USP18: variants seen among roughly 807,000 people sequenced by gnomAD.
USP18 encodes the protein ubl carboxyl-terminal hydrolase 18.
Under a neutral mutation model 48.7 loss-of-function variants are expected in USP18, and 11 were observed. The observed-to-expected ratio is 0.23, with a 90% CI of 0.14 to 0.37. The LOEUF (loss-of-function observed/expected upper bound fraction) is 0.37. Among genes scored for constraint, USP18 ranks in the 10% least tolerant of loss-of-function variants. The pLI is 1.00. For missense variants in USP18, 285 were observed against 436.4 expected, an observed-to-expected ratio of 0.65 and a Z score of 3.09; for synonymous variants, 114 against 163.2, an observed-to-expected ratio of 0.70 and a Z score of 2.30.
At chr22:18,174,349 T>G (rs1474701221) in intron 10 of USP18, among the ~76,000 whole-genome samples, 1 of 151,510 alleles carries the variant, frequency 6.6e-6, no homozygotes, top group African/African-American at 2.4e-5. Context: ...TGCCTCAGCC[T>G]CCTGAGTAGC....
chr22:18,171,333 A>G, intron 8 of USP18, among the ~76,000 whole-genome samples: 1 of 87,652 alleles, frequency 1.1e-5, no homozygotes, highest in Non-Finnish European at 2.2e-5. Flanking sequence ...AGATTCTGAG[A>G]AAAAAAGAGA....
Position 18,173,563 on chromosome 22 carries a change from T to C in USP18, c.1024-230T>C, listed in dbSNP as rs186607081. ...GAAATGTCTAGAGAGCAACGAGTGT[T>C]AGAAATATGTAAGTTAGGCCTCTGG... On this transcript the variant is annotated intron_variant, in intron 9 of 10. Coordinates refer to ENST00000215794, the MANE Select transcript of USP18 (RefSeq NM_017414.4). 4.7e-3 allele frequency among the ~76,000 whole-genome samples: 710 copies of C among 152,276 alleles called. 5 individuals carry two copies. The highest frequency in any genetic ancestry group is 6.0e-3 in the Non-Finnish European group (411 of 68,024).
chr22:18,157,543 A>G lies in USP18; in HGVS notation c.-106-15A>G, dbSNP rs1602521183. The stretch of plus-strand genomic sequence containing the variant: ...CCTTCTCTAATTCTTGCCTACCCGC[A>G]TTGTATTTTCACAGAGATTCCATCG... On this transcript the variant is annotated splice_polypyrimidine_tract_variant and intron_variant, in intron 1 of 10. Transcript: ENST00000215794. 3 of 1,321,364 alleles carry G rather than the reference A, an allele frequency of 2.3e-6. No homozygotes were observed. The highest frequency in any genetic ancestry group is 4.1e-5 in the Admixed American group (2 of 48,628). The allele number at this position is 1,321,364 out of a possible 1,614,324, so 81.9% of individuals were successfully genotyped here. A position where few individuals can be genotyped will look rare whatever the true frequency, so the allele number is the denominator to read the frequency against.
At chr22:18,153,337 G>A (rs1018761519) in intron 1 of USP18, among the ~76,000 whole-genome samples, 4 of 151,222 alleles carry the variant, frequency 2.6e-5, no homozygotes, top group Non-Finnish European at 5.9e-5. Context: ...ACTAAGGCAG[G>A]GGAAGTGCTT....
intron 8 of USP18, 26 bp from the exon 9 acceptor site, chr22:18,173,124 A>C (rs759061728): frequency 2.5e-6 from 4 of 1,597,622 alleles, no homozygotes; most frequent in Non-Finnish European, 2.6e-6. Flanking sequence ...TGGTGGGTGA[A>C]CTGTCTCGTG....
At chr22:18,160,426 C>G (rs1429128991) in intron 3 of USP18, among the ~76,000 whole-genome samples, 158 bp downstream of exon 3, 2 of 152,112 alleles carry the variant, frequency 1.3e-5, no homozygotes, top group Admixed American at 1.3e-4. Context: ...CTGCTTCAGT[C>G]TCCCGAGTAG....
intron 10 of USP18, among the ~76,000 whole-genome samples, chr22:18,176,106 C>A (rs1331481123): frequency 9.0e-6 from 1 of 111,194 alleles, no homozygotes; most frequent in Non-Finnish European, 1.8e-5. Context: ...CACGGTGAAA[C>A]CCTGTCTCTA....
rs34386839 is a variant in USP18 at position 18,159,672 on chromosome 22, A to ATTTTTT, written c.158-484_158-479dup. ...GTCATGACACCTGGCTGATTTTTGG[A>ATTTTTT]TTTTTTTTTTTTTTTTTTTTTGAGA... On this transcript the variant is annotated intron_variant, in intron 2 of 10. Transcript: ENST00000215794. Among the ~76,000 whole-genome samples, 4 of 76,912 alleles carry ATTTTTT rather than the reference A, an allele frequency of 5.2e-5. 1 individual carries two copies. Among genetic ancestry groups the ATTTTTT allele is most frequent in the African/African-American group, 1.7e-4 (3 of 18,028 alleles). The allele number at this position is 76,912 out of a possible 152,430, so 50.5% of individuals were successfully genotyped here.
In USP18 at chr22:18,157,662, G is replaced by A. The variant is rs1355191988; in HGVS notation, c.-2G>A. On this transcript the variant is annotated 5_prime_UTR_variant, in exon 2 of 11. Coordinates refer to ENST00000215794, the MANE Select transcript of USP18 (RefSeq NM_017414.4). The stretch of plus-strand genomic sequence containing the variant: ...GGCCTGGGGGTTTTGGAGTGATCAC[G>A]AATGAGCAAGGCGTTTGGGCTCCTG... 3.1e-6 allele frequency: 5 copies of A among 1,613,940 alleles called. No homozygotes were observed. Among genetic ancestry groups the A allele is most frequent in the Non-Finnish European group, 4.2e-6 (5 of 1,179,982 alleles).
At chr22:18,158,244 C>T (rs1361249824) in intron 2 of USP18, among the ~76,000 whole-genome samples, 1 of 152,064 alleles carries the variant, frequency 6.6e-6, no homozygotes, top group Non-Finnish European at 1.5e-5. Flanking sequence ...GCTGAGATCA[C>T]GCCACTGCAC....
At position 18,152,073 on chromosome 22, in the gene USP18, A is replaced by C. The variant is rs564799594; in HGVS notation, c.-107+1851A>C. ...CGTCTCAAAAATAAAAATAAAAATA[A>C]AAAAAGAAAAAAGAAATGCAAAATA... is the stretch of plus-strand genomic sequence containing the variant. On this transcript the variant is annotated intron_variant, in intron 1 of 10. Transcript: ENST00000215794. Among the ~76,000 whole-genome samples the C allele has an allele frequency of 6.6e-5, 10 of 152,320 alleles. No homozygotes were observed. In the South Asian group the frequency reaches 1.0e-3, roughly 16 times the overall value.
intron 1 of USP18, among the ~76,000 whole-genome samples, chr22:18,156,545 A>G (rs1044438994): frequency 6.6e-6 from 1 of 152,074 alleles, no homozygotes; most frequent in Non-Finnish European, 1.5e-5. Flanking sequence ...ACAACTCCAG[A>G]CGCGCTGCCT....
intron 6 of USP18, among the ~76,000 whole-genome samples, 193 bp from the exon 7 acceptor site, chr22:18,169,651 C>T (rs1475350525): frequency 6.6e-6 from 1 of 152,186 alleles, no homozygotes; most frequent in African/African-American, 2.4e-5. Flanking sequence ...TTGGGAGCTT[C>T]CTGCGGCCTC....
chr22:18,156,654 G>C (rs770646277), intron 1 of USP18, among the ~76,000 whole-genome samples: 2 of 151,048 alleles, frequency 1.3e-5, no homozygotes, highest in Non-Finnish European at 2.9e-5. Context: ...CAGATGCGCC[G>C]TATTAGGAGC....
At chr22:18,173,099 C>T (rs1210477536) in intron 8 of USP18, 51 bp from the exon 9 acceptor site, 1 of 1,604,298 alleles carries the variant, frequency 6.2e-7, no homozygotes, top group Admixed American at 1.7e-5. Flanking sequence ...ATGTGTGAGG[C>T]AGTCGTGTTT....
chr22:18,160,621 T>C (rs1929304492), intron 3 of USP18, among the ~76,000 whole-genome samples: 1 of 152,184 alleles, frequency 6.6e-6, no homozygotes, highest in South Asian at 2.1e-4. Context: ...TCATTTTTAA[T>C]ATATTCAGTT....
At chr22:18,162,574 A>T (rs1332965756) in intron 4 of USP18, among the ~76,000 whole-genome samples, 2 of 149,412 alleles carry the variant, frequency 1.3e-5, no homozygotes, top group Non-Finnish European at 3.0e-5. Context: ...GCTTTAGATC[A>T]GTCTTATTGG....
intron 1 of USP18, among the ~76,000 whole-genome samples, chr22:18,154,171 C>T (rs950424383): frequency 1.3e-5 from 2 of 151,436 alleles, no homozygotes; most frequent in Admixed American, 1.3e-4. Context: ...TACTAATTTA[C>T]ATTCCCACCA....
chr22:18,170,148 A>T (rs1256405316), intron 7 of USP18, among the ~76,000 whole-genome samples: 1 of 151,130 alleles, frequency 6.6e-6, no homozygotes, highest in Admixed American at 6.6e-5. Flanking sequence ...GCAGATGTGG[A>T]ACTCGTGCCT....
Sources: gnomAD v4.1 joint callset for allele counts (sites outside exome capture counted in the v4.1 genomes callset) on GRCh38, gnomAD v4.1.1 for gene constraint, MANE v1.5 for transcripts, NCBI Gene and HGNC (gene_info 2026-07-23, HGNC 2026-07-21) for gene names.